Variants in FASTKD1 observed in about 807,000 individuals in gnomAD.
FASTKD1 encodes the protein FAST kinase domain-containing protein 1, mitochondrial.
FASTKD1 carries 94 observed loss-of-function variants against 90.9 expected under a neutral mutation model. That is an observed-to-expected ratio of 1.03 (90% CI 0.88 to 1.23). FASTKD1 has a LOEUF of 1.23. Among genes scored for constraint, FASTKD1 ranks in the 50% most tolerant of loss-of-function variants. FASTKD1 has a pLI of 0.00. For missense variants in FASTKD1, 945 were observed against 993.5 expected (o/e 0.95, Z 0.66); for synonymous variants, 319 against 345.8 (o/e 0.92, Z 0.86).
intron 7 of FASTKD1, among the ~76,000 whole-genome samples, 163 bp downstream of exon 7, chr2:169,554,961 C>A (rs1683226687): frequency 6.6e-6 from 1 of 152,174 alleles, no homozygotes; most frequent in Non-Finnish European, 1.5e-5. Flanking sequence ...CCAGCATGGG[C>A]ACTGGCAGAA....
intron 1 of FASTKD1, 21 bp downstream of exon 1, chr2:169,573,648 T>G (rs192095589): frequency 1.3e-5 from 2 of 152,318 alleles, no homozygotes; most frequent in Admixed American, 6.5e-5. Flanking sequence ...AAATAGCCGC[T>G]GCCACACAGT....
chr2:169,546,256 C>A lies in FASTKD1; in HGVS notation c.1663G>T (p.Asp555Tyr). Residue 555 changes from aspartate (D) to tyrosine (Y), a missense_variant, in exon 8 of 15, where the codon GAT becomes TAT. Coordinates refer to ENST00000453153, the MANE Select transcript of FASTKD1 (RefSeq NM_024622.6). The part of the protein sequence containing the change: ...STDYLSTLLL[D>Y]RIASVAVQQI... ...TGAACAGCCACTGAGGCTATCCTAT[C>A]TAGTAGCAAAGTACTGAGGTAATCA... 2.5e-6 allele frequency: 4 copies of A among 1,606,860 alleles called. No homozygotes were observed. The highest frequency in any genetic ancestry group is 3.4e-6 in the Non-Finnish European group (4 of 1,175,864).
At chr2:169,537,386 T>C (rs1031947936) in intron 11 of FASTKD1, 46 bp from the exon 12 acceptor site, 1 of 1,276,872 alleles carries the variant, frequency 7.8e-7, no homozygotes, top group East Asian at 2.6e-5. Context: ...TTTTTTTTCT[T>C]TTTTTTTTTC....
intron 9 of FASTKD1, among the ~76,000 whole-genome samples, chr2:169,540,604 A>G (rs1198446124): frequency 1.3e-5 from 2 of 152,272 alleles, no homozygotes; most frequent in Non-Finnish European, 2.9e-5. Context: ...AATAGTGTTC[A>G]GAATATGTTA....
Position 169,546,507 on chromosome 2 carries a change from T to G in FASTKD1, c.1412A>C (p.Asn471Thr). The G allele has an allele frequency of 6.2e-7, 1 of 1,614,172 alleles. No homozygotes were observed. Among genetic ancestry groups the G allele is most frequent in the Non-Finnish European group, 8.5e-7 (1 of 1,180,024 alleles). The part of the protein sequence containing the change: ...WIQHDHMYLD[N>T]MTAKQLKLLQ... ...TAGTTTCAGTTGTTTCGCAGTCATA[T>G]TATCCAAATACATGTGATCATGCTG... is the stretch of plus-strand genomic sequence containing the variant. Residue 471 changes from asparagine (N) to threonine (T), a missense_variant, in exon 8 of 15, where the codon AAT becomes ACT. Coordinates refer to ENST00000453153, the MANE Select transcript of FASTKD1 (RefSeq NM_024622.6).
rs551185767 is a variant in FASTKD1 at position 169,568,317 on chromosome 2, A to G, written c.446+867T>C. Among the ~76,000 whole-genome samples, 328 of 152,196 alleles carry G rather than the reference A, an allele frequency of 2.2e-3. 2 individuals are homozygous for G. The highest frequency in any genetic ancestry group is 7.5e-3 in the African/African-American group (310 of 41,526). ...CCTGCACTTCTAGGTTTTTATTGAT[A>G]GCCAATTAATCAAGAATCTTTCCTT... On this transcript the variant is annotated intron_variant, in intron 3 of 14. Transcript: ENST00000453153.
chr2:169,549,557 T>A (rs968114568), intron 7 of FASTKD1, among the ~76,000 whole-genome samples: 1 of 152,160 alleles, frequency 6.6e-6, no homozygotes, highest in Non-Finnish European at 1.5e-5. Flanking sequence ...CTTGACCTCC[T>A]GGGCTCAAGT....
chr2:169,557,587 T>G (rs1683378912), intron 5 of FASTKD1, among the ~76,000 whole-genome samples: 1 of 152,216 alleles, frequency 6.6e-6, no homozygotes, highest in East Asian at 1.9e-4. Flanking sequence ...TACAAGGTTA[T>G]AATGGTTATA....
At chr2:169,556,851 A>ACAAACAAC (rs1683342580) in intron 6 of FASTKD1, among the ~76,000 whole-genome samples, 1 of 150,932 alleles carries the variant, frequency 6.6e-6, no homozygotes, top group Non-Finnish European at 1.5e-5. Context: ...AAACAAACAA[A>ACAAACAAC]CAAAATTAGC....
Position 169,563,960 on chromosome 2 carries a change from T to C in FASTKD1, c.447-610A>G, listed in dbSNP as rs138728979. On this transcript the variant is annotated intron_variant, in intron 3 of 14. Transcript: ENST00000453153. ...AACTATAAGGGTACATACTATAGGA[T>C]TCCATTTCTATAGAAACAATTTATG... 3.3e-5 allele frequency among the ~76,000 whole-genome samples: 5 copies of C among 152,250 alleles called. No homozygotes were observed. In the East Asian group the frequency reaches 9.6e-4, roughly 29 times the overall value.
intron 7 of FASTKD1, among the ~76,000 whole-genome samples, chr2:169,553,751 A>ACT (rs905688255): frequency 3.3e-5 from 5 of 151,658 alleles, no homozygotes; most frequent in African/African-American, 1.2e-4. Flanking sequence ...CCCCATCTCT[A>ACT]CTAAAAAAAA....
chr2:169,557,184 T>C lies in FASTKD1; in HGVS notation c.1082+3A>G, dbSNP rs1683357796. On this transcript the variant is annotated splice_donor_region_variant and intron_variant, in intron 6 of 14. Transcript: ENST00000453153. ...TTAACGTCGTAAATTTCAGAAAAGA[T>C]ACCTTTTAATCAGACATGAGTTTCT... 2 of 1,575,988 alleles carry C rather than the reference T, an allele frequency of 1.3e-6. No homozygotes were observed. Among genetic ancestry groups the C allele is most frequent in the African/African-American group, 2.7e-5 (2 of 74,258 alleles).
chr2:169,537,624 T>C (rs1684782144), intron 11 of FASTKD1, among the ~76,000 whole-genome samples: 1 of 152,146 alleles, frequency 6.6e-6, no homozygotes, highest in Non-Finnish European at 1.5e-5. Context: ...CCTCAGGTGA[T>C]CTGCCCGCCT....
At chr2:169,566,239 G>T (rs951533459) in intron 3 of FASTKD1, among the ~76,000 whole-genome samples, 1 of 151,980 alleles carries the variant, frequency 6.6e-6, no homozygotes, top group Non-Finnish European at 1.5e-5. Flanking sequence ...TTTTTAAAAA[G>T]TCCTTAGAGA....
intron 7 of FASTKD1, among the ~76,000 whole-genome samples, chr2:169,546,966 A>C (rs930746965): frequency 1.3e-5 from 2 of 152,164 alleles, no homozygotes; most frequent in African/African-American, 4.8e-5. Flanking sequence ...ACCTGGGGAC[A>C]GTGTCAGATC....
At chr2:169,561,740 T>TATTAATTATAAATTATTTATTA (rs1553538833) in intron 4 of FASTKD1, among the ~76,000 whole-genome samples, 2 of 69,182 alleles carry the variant, frequency 2.9e-5, no homozygotes, top group Admixed American at 3.6e-4. Context: ...ATAAATTAAT[T>TATTAATTATAAATTATTTATTA]ATTCATTATA....
intron 12 of FASTKD1, among the ~76,000 whole-genome samples, chr2:169,536,706 C>A (rs1382750101): frequency 6.6e-6 from 1 of 152,092 alleles, no homozygotes; most frequent in Non-Finnish European, 1.5e-5. Flanking sequence ...AGCTAGTCCA[C>A]CAGCTTTATG....
intron 6 of FASTKD1, among the ~76,000 whole-genome samples, chr2:169,556,250 A>G (rs138768044): frequency 6.6e-6 from 1 of 151,840 alleles, no homozygotes; most frequent in Non-Finnish European, 1.5e-5. Context: ...CAGCCTGGGT[A>G]ACATGGCAAA....
intron 3 of FASTKD1, among the ~76,000 whole-genome samples, chr2:169,563,600 T>C (rs1683814421): frequency 6.6e-6 from 1 of 152,082 alleles, no homozygotes; most frequent in Non-Finnish European, 1.5e-5. Flanking sequence ...CAGAACAATT[T>C]TGACTCAAGG....
Sources: allele counts gnomAD v4.1 joint callset (sites outside exome capture counted in the v4.1 genomes callset), GRCh38; gene constraint gnomAD v4.1.1; transcripts MANE v1.5; gene names NCBI Gene and HGNC (gene_info 2026-07-23, HGNC 2026-07-21).